WWOX: variants seen among roughly 807,000 people sequenced by gnomAD.
WWOX encodes the protein WW domain-containing oxidoreductase.
WWOX carries 69 observed loss-of-function variants against 46.2 expected under a neutral mutation model. The observed-to-expected ratio is 1.49, with a 90% CI of 1.23 to 1.82. WWOX has a LOEUF of 1.82. Among genes scored for constraint, WWOX ranks in the 40% most tolerant of loss-of-function variants. The pLI is 0.00. For synonymous variants in WWOX, 359 were observed against 202.6 expected (o/e 1.77, Z -6.56); for missense variants, 919 against 542.6 (o/e 1.69, Z -6.89).
At chr16:78,245,978 G>T (rs753326811) in intron 5 of WWOX, among the ~76,000 whole-genome samples, 35 of 152,198 alleles carry the variant, frequency 2.3e-4, no homozygotes, top group Non-Finnish European at 4.0e-4. Context: ...AGCATTCAAA[G>T]ACTAGGATGC....
chr16:78,449,509 C>T (rs1378204647), intron 8 of WWOX, among the ~76,000 whole-genome samples: 2 of 152,152 alleles, frequency 1.3e-5, no homozygotes, highest in African/African-American at 2.4e-5. Context: ...TAGATTTACT[C>T]ACAGGACTTG....
intron 8 of WWOX, among the ~76,000 whole-genome samples, chr16:78,449,803 G>C (rs1267114383): frequency 1.3e-5 from 2 of 152,104 alleles, no homozygotes; most frequent in East Asian, 3.9e-4. Flanking sequence ...AGTAGAAGGG[G>C]CCCTTGTTAA....
intron 8 of WWOX, among the ~76,000 whole-genome samples, chr16:78,657,872 G>C (rs1270155174): frequency 6.6e-6 from 1 of 152,104 alleles, no homozygotes; most frequent in East Asian, 1.9e-4. Context: ...GGCTGGAGTA[G>C]TGTGCAGAGC....
intron 5 of WWOX, among the ~76,000 whole-genome samples, chr16:78,304,979 CCTTTT>C (rs2080106545): frequency 6.7e-6 from 1 of 150,326 alleles, no homozygotes; most frequent in East Asian, 1.9e-4. Flanking sequence ...TTCCCTTTTT[CCTTTT>C]CTTTCCTTCT....
chr16:78,215,552 C>A (rs745984641), intron 5 of WWOX, among the ~76,000 whole-genome samples: 1 of 152,216 alleles, frequency 6.6e-6, no homozygotes, highest in Non-Finnish European at 1.5e-5. Context: ...GCCTCCCTAG[C>A]CATGCGGAAC....
At chr16:79,109,143 CA>C (rs1424483569) in intron 8 of WWOX, among the ~76,000 whole-genome samples, 2 of 152,044 alleles carry the variant, frequency 1.3e-5, no homozygotes, top group East Asian at 3.9e-4. Context: ...AATATAGAGG[CA>C]GGGGGCACTT....
chr16:78,517,951 G>T (rs2043273671), intron 8 of WWOX, among the ~76,000 whole-genome samples: 1 of 147,812 alleles, frequency 6.8e-6, no homozygotes, highest in African/African-American at 2.5e-5. Flanking sequence ...CTAGTGAGTG[G>T]CAGATATGTG....
chr16:78,966,433 C>G (rs1376528674), intron 8 of WWOX, among the ~76,000 whole-genome samples: 7 of 152,054 alleles, frequency 4.6e-5, no homozygotes, highest in Admixed American at 4.6e-4. Flanking sequence ...CACTAAAATA[C>G]CCTTCCACAA....
At chr16:78,701,828 T>C (rs1028127277) in intron 8 of WWOX, among the ~76,000 whole-genome samples, 1 of 151,310 alleles carries the variant, frequency 6.6e-6, no homozygotes, top group African/African-American at 2.4e-5. Context: ...TTTCTCTCCA[T>C]GATGGCGCAG....
intron 5 of WWOX, among the ~76,000 whole-genome samples, chr16:78,208,660 C>G (rs1487537584): frequency 6.6e-6 from 1 of 152,162 alleles, no homozygotes; most frequent in African/African-American, 2.4e-5. Context: ...ATAACACACT[C>G]CATTTACTGT....
At chr16:78,819,064 T>C (rs1425345384) in intron 8 of WWOX, among the ~76,000 whole-genome samples, 1 of 152,210 alleles carries the variant, frequency 6.6e-6, no homozygotes, top group Admixed American at 6.5e-5. Flanking sequence ...ACTTAGCACA[T>C]GAGCAGGCCC....
intron 8 of WWOX, among the ~76,000 whole-genome samples, chr16:79,091,775 CTTTG>C (rs1185052543): frequency 2.5e-4 from 32 of 126,850 alleles, no homozygotes; most frequent in African/African-American, 9.9e-4. Context: ...CTTTTCTTTT[CTTTG>C]TTTTTTTTTT....
At chr16:78,925,561 C>T (rs1440602809) in intron 8 of WWOX, among the ~76,000 whole-genome samples, 1 of 152,178 alleles carries the variant, frequency 6.6e-6, no homozygotes, top group African/African-American at 2.4e-5. Flanking sequence ...GGAGCTATTG[C>T]TGTAAAACAG....
chr16:78,279,205 A>C (rs1202330474), intron 5 of WWOX, among the ~76,000 whole-genome samples: 2 of 152,220 alleles, frequency 1.3e-5, no homozygotes, highest in African/African-American at 2.4e-5. Flanking sequence ...GAAGAAATAA[A>C]GAACAGAACA....
chr16:78,830,137 C>T (rs866458963), intron 8 of WWOX, among the ~76,000 whole-genome samples: 11 of 152,028 alleles, frequency 7.2e-5, no homozygotes, highest in Admixed American at 2.6e-4. Context: ...AAACAAAATA[C>T]TTCTGCAACA....
chr16:78,737,509 T>C (rs955484127), intron 8 of WWOX, among the ~76,000 whole-genome samples: 25 of 152,012 alleles, frequency 1.6e-4, no homozygotes, highest in African/African-American at 4.4e-4. Context: ...TTAGTGATGA[T>C]TTCTGAGATT....
Position 79,095,840 on chromosome 16 carries a change from C to G in WWOX, c.1057-115768C>G, listed in dbSNP as rs544454292. 2.7e-5 allele frequency among the ~76,000 whole-genome samples: 4 copies of G among 149,612 alleles called. No individual in the cohort carries two copies. In the South Asian group the frequency reaches 8.6e-4, roughly 32 times the overall value. ...TTGCCCTCGCCTCCCGCCTGGATCA[C>G]TGCTCAATTCTCTCTCTCTCTTTTT... On this transcript the variant is annotated intron_variant, in intron 8 of 8. Transcript: ENST00000566780.
At chr16:78,267,871 G>T (rs2079400575) in intron 5 of WWOX, among the ~76,000 whole-genome samples, 1 of 152,104 alleles carries the variant, frequency 6.6e-6, no homozygotes, top group Non-Finnish European at 1.5e-5. Context: ...TCCCAGGAGT[G>T]CCATGGTGCA....
chr16:78,352,029 C>G (rs1048776816), intron 5 of WWOX, among the ~76,000 whole-genome samples: 28 of 152,112 alleles, frequency 1.8e-4, no homozygotes, highest in Non-Finnish European at 5.9e-5. Flanking sequence ...GTTGATGATC[C>G]AGAGCTTTGG....
Sources: gnomAD v4.1 joint callset for allele counts (sites outside exome capture counted in the v4.1 genomes callset) on GRCh38, gnomAD v4.1.1 for gene constraint, MANE v1.5 for transcripts, NCBI Gene and HGNC (gene_info 2026-07-23, HGNC 2026-07-21) for gene names.